Variants in CHRNB3 observed in about 807,000 individuals in gnomAD.
CHRNB3 encodes the protein neuronal acetylcholine receptor subunit beta-3.
In CHRNB3, 37 loss-of-function variants were observed where a neutral mutation model predicts 40.6. The observed-to-expected ratio is 0.91, with a 90% confidence interval of 0.70 to 1.20. CHRNB3 has a LOEUF of 1.20. Ranked by LOEUF, CHRNB3 falls within the 50% of genes most tolerant of loss-of-function variation. CHRNB3 has a pLI of 0.00. For synonymous variants in CHRNB3, 207 were observed against 207.1 expected (o/e 1.00, Z 0.00); for missense variants, 505 against 551.2 (o/e 0.92, Z 0.84).
At chr8:42,712,179 G>A (rs1237497565) in intron 3 of CHRNB3, among the ~76,000 whole-genome samples, 7 of 151,822 alleles carry the variant, frequency 4.6e-5, no homozygotes, top group Non-Finnish European at 8.8e-5. Flanking sequence ...TTTTAGTAGA[G>A]ATGGGGTTTC....
In CHRNB3 at chr8:42,708,794, G is replaced by C; in HGVS notation, c.130G>C (p.Val44Leu). The change falls in exon 2 of 6, where the codon GTC becomes CTC. Residue 44 changes from valine (V) to leucine (L), a missense_variant. Physicochemically the swap from Val to Leu is conservative, Grantham distance 32. Coordinates refer to ENST00000289957, the MANE Select transcript of CHRNB3 (RefSeq NM_000749.5). Reference protein sequence around the residue: ...RHLFQGYQKWVRPVLHSNDTI... With the variant: ...RHLFQGYQKWLRPVLHSNDTI... The stretch of plus-strand genomic sequence containing the variant: ...TTTGTTCCAAGGTTATCAGAAATGG[G>C]TCCGCCCTGTATTACATTCTAATGA... 1 of 1,614,062 alleles carries C rather than the reference G, an allele frequency of 6.2e-7. No homozygotes were observed. Among genetic ancestry groups the C allele is most frequent in the Non-Finnish European group, 8.5e-7 (1 of 1,179,956 alleles).
At position 42,736,572 on chromosome 8, in the gene CHRNB3, T is replaced by A; in HGVS notation, c.1331T>A (p.Leu444Gln). The change falls in exon 6 of 6, where the codon CTG becomes CAG. Residue 444 changes from leucine (L) to glutamine (Q), a missense_variant. Transcript: ENST00000289957. Reference sequence around the variant, plus strand: ...ATAGTGTCAGTAACAGGCTCGGTTCTGATTTTTACCCCTGCTTTGAAGATG... The same window carrying A: ...ATAGTGTCAGTAACAGGCTCGGTTCAGATTTTTACCCCTGCTTTGAAGATG... ...FLIVSVTGSV[L>Q]IFTPALKMWL... 6.2e-7 allele frequency: 1 copy of A among 1,614,224 alleles called. No individual in the cohort carries two copies. Among genetic ancestry groups the A allele is most frequent in the Non-Finnish European group, 8.5e-7 (1 of 1,180,038 alleles).
chr8:42,713,189 G>A (rs940963841), intron 3 of CHRNB3, among the ~76,000 whole-genome samples: 32 of 151,856 alleles, frequency 2.1e-4, no homozygotes, highest in African/African-American at 7.5e-4. Context: ...AGGGACTCTG[G>A]GCCTTCACAT....
intron 1 of CHRNB3, chr8:42,699,657 G>C (rs560849986): frequency 3.9e-5 from 6 of 152,226 alleles, no homozygotes; most frequent in African/African-American, 1.4e-4. Flanking sequence ...CTGCTCGGGA[G>C]ACTGAGGCAG....
intron 3 of CHRNB3, among the ~76,000 whole-genome samples, chr8:42,717,363 G>A (rs1253496269): frequency 3.5e-3 from 118 of 33,888 alleles, no homozygotes; most frequent in Non-Finnish European, 5.4e-3. Context: ...GACAGAGCGA[G>A]ACTCCGTCTC....
At chr8:42,702,007 C>G (rs1815814080) in intron 1 of CHRNB3, among the ~76,000 whole-genome samples, 1 of 152,160 alleles carries the variant, frequency 6.6e-6, no homozygotes, top group Admixed American at 6.5e-5. Flanking sequence ...AAATCAGAGT[C>G]CAATGCCTCT....
rs562445762 is a variant in CHRNB3 at position 42,728,521 on chromosome 8, C to G, written c.250-2073C>G. Among the ~76,000 whole-genome samples, 5 of 151,918 alleles carry G rather than the reference C, an allele frequency of 3.3e-5. No individual in the cohort carries two copies. In the East Asian group the frequency reaches 9.7e-4, roughly 29 times the overall value. ...TCCAGCCTGGGAAAAAGAACAAGAT[C>G]CTGTCTCAAATTAAAAAAACAAAAC... is the stretch of plus-strand genomic sequence containing the variant. On this transcript the variant is annotated intron_variant, in intron 3 of 5. Coordinates refer to ENST00000289957, the MANE Select transcript of CHRNB3 (RefSeq NM_000749.5).
intron 1 of CHRNB3, among the ~76,000 whole-genome samples, chr8:42,698,823 CA>C (rs1815725232): frequency 6.6e-6 from 1 of 152,130 alleles, no homozygotes; most frequent in South Asian, 2.1e-4. Flanking sequence ...ACTCTTTTCC[CA>C]AGGAATGATT....
intron 1 of CHRNB3, among the ~76,000 whole-genome samples, chr8:42,700,658 T>A (rs1328056157): frequency 1.3e-5 from 2 of 152,138 alleles, no homozygotes; most frequent in Non-Finnish European, 2.9e-5. Context: ...GATAAAAAAA[T>A]GGCATTATCA....
At chr8:42,727,668 T>C (rs1816334828) in intron 3 of CHRNB3, among the ~76,000 whole-genome samples, 1 of 151,900 alleles carries the variant, frequency 6.6e-6, no homozygotes, top group African/African-American at 2.4e-5. Flanking sequence ...ATCGAGACCA[T>C]CCTGGCCAAC....
Position 42,736,595 on chromosome 8 carries a change from A to G in CHRNB3, c.1354A>G (p.Met452Val), listed in dbSNP as rs1463672280. 1 of 1,614,176 alleles carries G rather than the reference A, an allele frequency of 6.2e-7. No homozygotes were observed. The highest frequency in any genetic ancestry group is 8.5e-7 in the Non-Finnish European group (1 of 1,180,036). Residue 452 changes from methionine (M) to valine (V), a missense_variant, in exon 6 of 6, where the codon ATG becomes GTG. Coordinates refer to ENST00000289957, the MANE Select transcript of CHRNB3 (RefSeq NM_000749.5). ...TCTGATTTTTACCCCTGCTTTGAAG[A>G]TGTGGCTACATAGTTACCATTAGGA... Reference protein sequence around the residue: ...SVLIFTPALKMWLHSYH With the variant: ...SVLIFTPALKVWLHSYH
intron 1 of CHRNB3, 76 bp from the exon 2 acceptor site, chr8:42,708,641 C>G (rs1815959843): frequency 1.3e-6 from 2 of 1,510,188 alleles, no homozygotes; most frequent in Non-Finnish European, 1.8e-6. Context: ...AGGCCAAGGC[C>G]ACAGGAGCCA....
chr8:42,730,480 A>C, intron 3 of CHRNB3, 114 bp from the exon 4 acceptor site: 1 of 655,338 alleles, frequency 1.5e-6, no homozygotes, highest in Non-Finnish European at 2.5e-6. Context: ...AACCGGGACA[A>C]TTTCCTTTTC....
chr8:42,720,632 A>G (rs938234183), intron 3 of CHRNB3, among the ~76,000 whole-genome samples: 2 of 152,256 alleles, frequency 1.3e-5, no homozygotes, highest in East Asian at 3.9e-4. Flanking sequence ...CATGCCTTGC[A>G]TATTTGATGA....
chr8:42,717,408 C>CAAAAAAAAAA (rs1816134324), intron 3 of CHRNB3, among the ~76,000 whole-genome samples: 5 of 73,740 alleles, frequency 6.8e-5, no homozygotes, highest in Admixed American at 1.5e-4. Context: ...AAAAAAAAGC[C>CAAAAAAAAAA]GACCTGTTGT....
At chr8:42,719,713 CCTGT>C (rs1163614084) in intron 3 of CHRNB3, among the ~76,000 whole-genome samples, 1 of 152,040 alleles carries the variant, frequency 6.6e-6, no homozygotes, top group Admixed American at 6.6e-5. Context: ...TCTGTGATTC[CCTGT>C]CTGATAGCAG....
chr8:42,729,387 G>C (rs572279433), intron 3 of CHRNB3, among the ~76,000 whole-genome samples: 2 of 152,084 alleles, frequency 1.3e-5, no homozygotes, highest in Non-Finnish European at 2.9e-5. Flanking sequence ...TCCAGCCTGG[G>C]CAACAGAGCG....
chr8:42,728,978 G>T (rs545021513), intron 3 of CHRNB3, among the ~76,000 whole-genome samples: 2 of 152,158 alleles, frequency 1.3e-5, no homozygotes, highest in Non-Finnish European at 2.9e-5. Context: ...TTCCTAGGAA[G>T]GAGATTATAT....
chr8:42,704,224 C>T (rs1815879528), intron 1 of CHRNB3: 1 of 152,242 alleles, frequency 6.6e-6, no homozygotes, highest in African/African-American at 2.4e-5. Flanking sequence ...TCTGCGCCTC[C>T]TCCTTATAGG....
Sources: gnomAD v4.1 joint callset for allele counts (sites outside exome capture counted in the v4.1 genomes callset) on GRCh38, gnomAD v4.1.1 for gene constraint, MANE v1.5 for transcripts, NCBI Gene and HGNC (gene_info 2026-07-23, HGNC 2026-07-21) for gene names.